Variants in BIRC6 observed in about 807,000 individuals in gnomAD.
BIRC6 encodes the protein baculoviral IAP repeat containing 6.
A neutral mutation model predicts 503.3 loss-of-function variants in BIRC6; 98 were observed. The observed-to-expected ratio is 0.19, with a 90% CI of 0.17 to 0.23. The LOEUF is 0.23. Among genes scored for constraint, BIRC6 ranks in the 10% least tolerant of loss-of-function variants. The pLI, the probability that BIRC6 is intolerant of heterozygous loss-of-function variation, is 1.00. For synonymous variants in BIRC6, 2,240 were observed against 2,078.7 expected (o/e 1.08, Z -2.11); for missense variants, 5,360 against 5,806.0 (o/e 0.92, Z 2.50).
At chr2:32,531,753 TCAAG>T (rs2056775422) in intron 61 of BIRC6, among the ~76,000 whole-genome samples, 1 of 152,224 alleles carries the variant, frequency 6.6e-6, no homozygotes, top group Non-Finnish European at 1.5e-5. Context: ...ATGTTGAAGA[TCAAG>T]CACACTTGCC....
chr2:32,428,399 ATTGAAATCACCTGTT>A (rs2043757592), intron 10 of BIRC6, among the ~76,000 whole-genome samples: 1 of 152,146 alleles, frequency 6.6e-6, no homozygotes, highest in African/African-American at 2.4e-5. Context: ...TTTGTTTCCC[ATTGAAATCACCTGTT>A]TAAACTGGAC....
At chr2:32,549,747 C>G (rs2058307357) in intron 65 of BIRC6, among the ~76,000 whole-genome samples, 1 of 152,114 alleles carries the variant, frequency 6.6e-6, no homozygotes, top group South Asian at 2.1e-4. Context: ...TCATCTGTAA[C>G]TGAAAATGAT....
chr2:32,438,745 G>A (rs1208537877), intron 15 of BIRC6, among the ~76,000 whole-genome samples: 1 of 151,724 alleles, frequency 6.6e-6, no homozygotes, highest in African/African-American at 2.4e-5. Context: ...TGTATTTGTA[G>A]TAGACGGGGT....
intron 65 of BIRC6, chr2:32,558,527 TAGC>T (rs1343619078): frequency 1.3e-5 from 2 of 152,186 alleles, no homozygotes; most frequent in Admixed American, 6.5e-5. Context: ...AAGCAATTAA[TAGC>T]AGAGTTTATC....
chr2:32,433,260 T>C (rs2044337676), intron 12 of BIRC6, among the ~76,000 whole-genome samples: 1 of 152,184 alleles, frequency 6.6e-6, no homozygotes, highest in African/African-American at 2.4e-5. Flanking sequence ...ATATATAGCA[T>C]TTAAAACCCA....
chr2:32,617,704 T>C (rs776476351), intron 73 of BIRC6, 21 bp from the exon 74 acceptor site: 2 of 1,608,274 alleles, frequency 1.2e-6, no homozygotes, highest in Non-Finnish European at 1.7e-6. Flanking sequence ...GTTCTAACAT[T>C]AGTCCTTTTC....
At chr2:32,491,823 C>T (rs577428837) in intron 44 of BIRC6, among the ~76,000 whole-genome samples, 6 of 152,006 alleles carry the variant, frequency 3.9e-5, no homozygotes, top group Non-Finnish European at 7.4e-5. Context: ...TGGAAACATT[C>T]TGAGTAAATA....
intron 10 of BIRC6, among the ~76,000 whole-genome samples, chr2:32,422,523 T>A (rs928382210): frequency 6.6e-6 from 1 of 152,184 alleles, no homozygotes; most frequent in Non-Finnish European, 1.5e-5. Context: ...ATATCTTGCA[T>A]CTATGAATGT....
chr2:32,400,878 A>G (rs1462858051), intron 6 of BIRC6, among the ~76,000 whole-genome samples: 1 of 152,166 alleles, frequency 6.6e-6, no homozygotes, highest in Non-Finnish European at 1.5e-5. Flanking sequence ...GTAATATAGC[A>G]TTGTATTGGT....
At position 32,416,097 on chromosome 2, in the gene BIRC6, G is replaced by A; in HGVS notation, c.2806G>A (p.Glu936Lys). The change falls in exon 10 of 74, where the codon GAA (glutamate) becomes AAA (lysine). Residue 936 changes from glutamate (E) to lysine (K), a missense_variant. Coordinates refer to ENST00000421745, the MANE Select transcript of BIRC6 (RefSeq NM_016252.4). ...GCCTCCCAAAAAGGAGGGCACTGAG[G>A]AACAGGACACATTTGTTTCTGTGAT... ...VEPPKKEGTE[E>K]QDTFVSVIYC... 2 of 1,613,788 alleles carry A rather than the reference G, an allele frequency of 1.2e-6. No homozygotes were observed. The highest frequency in any genetic ancestry group is 8.5e-7 in the Non-Finnish European group (1 of 1,179,838).
chr2:32,477,347 A>C (rs781521221), intron 34 of BIRC6, 21 bp from the exon 35 acceptor site: 6 of 1,607,990 alleles, frequency 3.7e-6, no homozygotes, highest in Non-Finnish European at 4.2e-6. Context: ...TGATTTAAAC[A>C]CTATACATTT....
chr2:32,469,507 T>A lies in BIRC6; in HGVS notation c.6240T>A (p.Leu2080=), dbSNP rs559808403. 1.2e-6 allele frequency: 2 copies of A among 1,613,942 alleles called. No individual in the cohort carries two copies. The highest frequency in any genetic ancestry group is 2.7e-5 in the African/African-American group (2 of 75,054). The change falls in exon 30 of 74, where the codon CTT becomes CTA. Residue 2080 remains leucine (L), a synonymous_variant. Coordinates refer to ENST00000421745, the MANE Select transcript of BIRC6 (RefSeq NM_016252.4). ...GTPKIRLHTG[L]LLVQLCGGER... is the part of the protein sequence containing the mutation. ...CAAAGATACGGTTACATACTGGTCT[T>A]CTTCTTGTTCAACTGTGTGGTGGTG...
chr2:32,573,644 G>T (rs1381977158), intron 65 of BIRC6, among the ~76,000 whole-genome samples: 1 of 152,166 alleles, frequency 6.6e-6, no homozygotes, highest in Non-Finnish European at 1.5e-5. Flanking sequence ...GAAGCAACGT[G>T]TGTTCCTCGA....
At chr2:32,553,782 A>G (rs751008598) in intron 65 of BIRC6, among the ~76,000 whole-genome samples, 1 of 152,220 alleles carries the variant, frequency 6.6e-6, no homozygotes, top group South Asian at 2.1e-4. Context: ...AATCAGATTT[A>G]TCAAAGGTTA....
intron 47 of BIRC6, among the ~76,000 whole-genome samples, chr2:32,502,358 A>G (rs1007302944): frequency 5.9e-5 from 9 of 152,208 alleles, no homozygotes; most frequent in Non-Finnish European, 1.2e-4. Context: ...ATGAAATTGT[A>G]GGAACCAGAT....
chr2:32,543,275 A>C lies in BIRC6; in HGVS notation c.12326A>C (p.Glu4109Ala). 6.2e-7 allele frequency: 1 copy of C among 1,614,012 alleles called. No homozygotes were observed. The highest frequency in any genetic ancestry group is 8.5e-7 in the Non-Finnish European group (1 of 1,179,864). ...CCAGTTGTAACATCTACCACTCAGG[A>C]AAAGCCGAAGGATAGCGATCAGTTT... Reference protein sequence around the residue: ...SAPVVTSTTQEKPKDSDQFEW... With the variant: ...SAPVVTSTTQAKPKDSDQFEW... Residue 4109 changes from glutamate (E) to alanine (A), a missense_variant, in exon 62 of 74, where the codon GAA becomes GCA. Physicochemically the swap from Glu to Ala is moderately radical, Grantham distance 107. Transcript: ENST00000421745.
intron 61 of BIRC6, among the ~76,000 whole-genome samples, chr2:32,541,554 A>G (rs1388548624): frequency 6.6e-6 from 1 of 152,126 alleles, no homozygotes; most frequent in African/African-American, 2.4e-5. Flanking sequence ...AGTCTACTAA[A>G]GTCATACAGG....
intron 5 of BIRC6, among the ~76,000 whole-genome samples, chr2:32,394,557 T>A (rs929759418): frequency 6.6e-6 from 1 of 152,002 alleles, no homozygotes; most frequent in Non-Finnish European, 1.5e-5. Flanking sequence ...CATTGGCTGG[T>A]GCAGTGGCTC....
At chr2:32,360,680 T>C (rs1273443465) in intron 1 of BIRC6, among the ~76,000 whole-genome samples, 2 of 152,218 alleles carry the variant, frequency 1.3e-5, no homozygotes, top group African/African-American at 2.4e-5. Context: ...CCTAAGCACA[T>C]ATGGTCCTAT....
Sources: gnomAD v4.1 joint callset for allele counts (sites outside exome capture counted in the v4.1 genomes callset) on GRCh38, gnomAD v4.1.1 for gene constraint, MANE v1.5 for transcripts, NCBI Gene and HGNC (gene_info 2026-07-23, HGNC 2026-07-21) for gene names.